The following MPPE1 variants were observed in gnomAD, a reference collection of about 807,000 sequenced individuals.
MPPE1 encodes metallophosphoesterase 1.
In MPPE1, 28 loss-of-function variants were observed where a neutral mutation model predicts 43.8. That is an observed-to-expected ratio of 0.64 (90% confidence interval 0.47 to 0.88). The LOEUF is 0.88. MPPE1 is among the 40% of genes least tolerant of loss of function. MPPE1 has a pLI of 0.00. For missense variants in MPPE1, 428 were observed against 492.2 expected (o/e 0.87, Z 1.23); for synonymous variants, 159 against 188.5 (o/e 0.84, Z 1.28).
chr18:11,894,704 C>T (rs1208094438), intron 3 of MPPE1, among the ~76,000 whole-genome samples: 1 of 152,154 alleles, frequency 6.6e-6, no homozygotes, highest in Non-Finnish European at 1.5e-5. Context: ...GATTCTTCCG[C>T]CTCAGCCTCC....
At chr18:11,903,492 A>G (rs891789815) in intron 2 of MPPE1, among the ~76,000 whole-genome samples, 4 of 152,154 alleles carry the variant, frequency 2.6e-5, no homozygotes, top group Non-Finnish European at 5.9e-5. Context: ...GTCAGCCTAT[A>G]AAGTCCTAGG....
chr18:11,897,176 A>G lies in MPPE1; in HGVS notation c.89T>C (p.Val30Ala). 1 of 1,250,144 alleles carries G rather than the reference A, an allele frequency of 8.0e-7. No homozygotes were observed. Among genetic ancestry groups the G allele is most frequent in the Non-Finnish European group, 1.2e-6 (1 of 864,992 alleles). 77.4% of individuals were successfully genotyped at this position (1,250,144 alleles called of 1,614,324 possible). ...TTCACAAAATAGAAGCACAGCAAAG[A>G]CAACAGCTATGAGTTTCAACAGCAA... ...SSLLLKLIAV[V>A]FAVLLFCEFL... is the part of the protein sequence containing the mutation. The change falls in exon 3 of 11, where the codon GTC becomes GCC. Residue 30 changes from valine (V) to alanine (A), a missense_variant. Val to Ala is a moderately conservative substitution (Grantham distance 64). This residue lies in a region of MPPE1 where 48 missense variants were observed against 73.5 expected (regional missense o/e 0.65). Transcript: ENST00000588072.
At chr18:11,903,591 G>A (rs1436458794) in intron 2 of MPPE1, among the ~76,000 whole-genome samples, 1 of 152,168 alleles carries the variant, frequency 6.6e-6, no homozygotes, top group African/African-American at 2.4e-5. Flanking sequence ...CGGATCACAA[G>A]GTTAGGAGAT....
chr18:11,887,743 T>C (rs910827006), intron 6 of MPPE1, among the ~76,000 whole-genome samples: 28 of 152,162 alleles, frequency 1.8e-4, no homozygotes, highest in African/African-American at 6.3e-4. Flanking sequence ...GTTTTAGAGA[T>C]AAGGAGTGGA....
chr18:11,900,724 G>A (rs9947941), intron 2 of MPPE1, among the ~76,000 whole-genome samples: 49,006 of 151,186 alleles, frequency 0.32, 9,342 homozygotes, highest in African/African-American at 0.54. Context: ...TGGCTAACAC[G>A]GTGAAACCCC....
At position 11,883,171 on chromosome 18, in the gene MPPE1, TTA is replaced by T. The variant is rs1486224271; in HGVS notation, c.*1272_*1273del. The T allele has an allele frequency of 2.0e-5, 3 of 150,528 alleles. No homozygotes were observed. Among genetic ancestry groups the T allele is most frequent in the African/African-American group, 7.4e-5 (3 of 40,400 alleles). The allele number at this position is 150,528 out of a possible 1,614,324, so 9.3% of individuals were successfully genotyped here. A position where few individuals can be genotyped will look rare whatever the true frequency, so the allele number is the denominator to read the frequency against. On this transcript the variant is annotated 3_prime_UTR_variant, in exon 11 of 11. Coordinates refer to ENST00000588072, the MANE Select transcript of MPPE1 (RefSeq NM_023075.6). ...ACTTTTTCATGAAGAAAGGATAACT[TTA>T]TAGACAGTCAGTGCAACACACACAT...
chr18:11,896,298 C>T (rs1164672094), intron 3 of MPPE1, among the ~76,000 whole-genome samples: 1 of 151,754 alleles, frequency 6.6e-6, no homozygotes, highest in Admixed American at 6.6e-5. Context: ...GATGGAGTTG[C>T]ACCATGTTGG....
intron 3 of MPPE1, among the ~76,000 whole-genome samples, chr18:11,894,645 C>A (rs965313511): frequency 6.6e-6 from 1 of 152,084 alleles, no homozygotes; most frequent in African/African-American, 2.4e-5. Flanking sequence ...GGCTGGAGTA[C>A]AATGGTGTGA....
rs529728587 is a variant in MPPE1, at chr18:11,885,527, G to A, written c.1008+149C>T. On this transcript the variant is annotated intron_variant, in intron 10 of 10. Coordinates refer to ENST00000588072, the MANE Select transcript of MPPE1 (RefSeq NM_023075.6). ...TGGTTCCCGGAAGGGTGTTTGGCAA[G>A]GGGCAGTGTATGGAGCTACGTGTAG... 19 of 900,672 alleles carry A rather than the reference G, an allele frequency of 2.1e-5. No homozygotes were observed. The African/African-American group carries it at 3.0e-4, about 14-fold the overall frequency. 55.8% of individuals were successfully genotyped at this position (900,672 alleles called of 1,614,324 possible).
At chr18:11,900,483 G>T (rs1291121139) in intron 2 of MPPE1, among the ~76,000 whole-genome samples, 3 of 151,984 alleles carry the variant, frequency 2.0e-5, no homozygotes, top group African/African-American at 7.3e-5. Context: ...TCCAGACTGG[G>T]TAACAAGAGC....
chr18:11,904,880 T>C (rs1450500847), intron 2 of MPPE1, among the ~76,000 whole-genome samples: 3 of 151,666 alleles, frequency 2.0e-5, no homozygotes, highest in Non-Finnish European at 4.4e-5. Context: ...GAGGCGGAGG[T>C]TGCAGTGAGC....
intron 6 of MPPE1, among the ~76,000 whole-genome samples, chr18:11,887,877 ACT>A (rs2037518378): frequency 6.6e-6 from 1 of 152,150 alleles, no homozygotes; most frequent in Non-Finnish European, 1.5e-5. Context: ...CCTACTAGAG[ACT>A]CTGCCTTCCT....
In MPPE1 at chr18:11,893,554, A is replaced by T; in HGVS notation, c.304T>A (p.Phe102Ile). ...LRREWQMERA[F>I]QTALWLLQPE... ...TGCAGCAACCACAGAGCTGTCTGGAACGCTCTCTCCATCTGCCATTCCCTT... is the reference window on the plus strand; with the variant it reads ...TGCAGCAACCACAGAGCTGTCTGGATCGCTCTCTCCATCTGCCATTCCCTT... Residue 102 changes from phenylalanine to isoleucine, a missense_variant, in exon 4 of 11, where the codon TTC becomes ATC. Around this residue, in one of 3 missense-constraint regions of MPPE1, gnomAD observed 379 missense variants for 402.5 expected, o/e 0.94. Coordinates refer to ENST00000588072, the MANE Select transcript of MPPE1 (RefSeq NM_023075.6). 1 of 1,614,148 alleles carries T rather than the reference A, an allele frequency of 6.2e-7. No individual in the cohort carries two copies. The highest frequency in any genetic ancestry group is 8.5e-7 in the Non-Finnish European group (1 of 1,179,972).
At chr18:11,900,688 A>G (rs886164606) in intron 2 of MPPE1, among the ~76,000 whole-genome samples, 16 of 151,980 alleles carry the variant, frequency 1.1e-4, no homozygotes, top group Admixed American at 7.2e-4. Flanking sequence ...TGGGCAGATC[A>G]CGAGGTCAGG....
intron 4 of MPPE1, among the ~76,000 whole-genome samples, chr18:11,890,023 A>G (rs183495795): frequency 1.3e-5 from 2 of 151,654 alleles, no homozygotes; most frequent in East Asian, 2.0e-4. Flanking sequence ...GCTCACTGCA[A>G]GCTCTGCCTC....
intron 2 of MPPE1, among the ~76,000 whole-genome samples, chr18:11,904,499 T>A (rs2039516603): frequency 6.6e-6 from 1 of 152,040 alleles, no homozygotes. Context: ...TTGCATTTTT[T>A]GTAGAGACAG....
At position 11,884,358 on chromosome 18, in the gene MPPE1, T is replaced by C; in HGVS notation, c.*87A>G. On this transcript the variant is annotated 3_prime_UTR_variant, in exon 11 of 11. Coordinates refer to ENST00000588072, the MANE Select transcript of MPPE1 (RefSeq NM_023075.6). Reference sequence around the variant, plus strand: ...TGCTGTGCAGAGAGACGGCCTGTAATTGGTCTCATCATCCACTTGATTCTA... The same window carrying C: ...TGCTGTGCAGAGAGACGGCCTGTAACTGGTCTCATCATCCACTTGATTCTA... 2 of 1,283,850 alleles carry C rather than the reference T, an allele frequency of 1.6e-6. No homozygotes were observed. The highest frequency in any genetic ancestry group is 1.3e-5 in the South Asian group (1 of 75,482). The allele number at this position is 1,283,850 out of a possible 1,614,324, so 79.5% of individuals were successfully genotyped here. A position where few individuals can be genotyped will look rare whatever the true frequency, so the allele number is the denominator to read the frequency against.
intron 4 of MPPE1, chr18:11,893,174 G>A: frequency 3.2e-6 from 1 of 316,532 alleles, no homozygotes; most frequent in Admixed American, 4.8e-5. Context: ...CCTTTCCCAA[G>A]AGGTTCACAA....
chr18:11,906,716 T>C (rs937765491), intron 1 of MPPE1, among the ~76,000 whole-genome samples: 1 of 151,714 alleles, frequency 6.6e-6, no homozygotes, highest in Non-Finnish European at 1.5e-5. Context: ...TCAGCCAGGG[T>C]AGTGGCACAT....
Sources: gnomAD v4.1 joint callset for allele counts (sites outside exome capture counted in the v4.1 genomes callset) on GRCh38, gnomAD v4.1.1 for gene constraint, gnomAD v4.1.1 regional missense constraint, MANE v1.5 for transcripts, NCBI Gene and HGNC (gene_info 2026-07-23, HGNC 2026-07-21) for gene names.